MGA: variants seen among roughly 807,000 people sequenced by gnomAD.
MGA encodes the protein MAX gene-associated protein.
A neutral mutation model predicts 261.1 loss-of-function variants in MGA; 40 were observed. That is an observed-to-expected ratio of 0.15 (90% CI 0.12 to 0.20). The LOEUF (loss-of-function observed/expected upper bound fraction) is 0.20, where lower values mean the gene tolerates loss of function less well. Ranked by LOEUF, MGA falls within the 10% of genes least tolerant of loss-of-function variation. The pLI is 1.00. For missense variants in MGA, 3,397 were observed against 3,630.5 expected (o/e 0.94, Z 1.65); for synonymous variants, 1,302 against 1,290.6 (o/e 1.01, Z -0.19).
At chr15:41,723,196 A>G (rs1225413445) in intron 9 of MGA, among the ~76,000 whole-genome samples, 1 of 152,066 alleles carries the variant, frequency 6.6e-6, no homozygotes, top group Non-Finnish European at 1.5e-5. Flanking sequence ...AGTTTCAGGG[A>G]AAGAGTAGGA....
chr15:41,628,352 G>A (rs1345801572), intron 1 of MGA, among the ~76,000 whole-genome samples: 1 of 134,324 alleles, frequency 7.4e-6, no homozygotes, highest in East Asian at 2.2e-4. Flanking sequence ...GGGTGACAGA[G>A]CAAGACTCTG....
chr15:41,681,452 T>G (rs2058674640), intron 2 of MGA, among the ~76,000 whole-genome samples: 1 of 151,426 alleles, frequency 6.6e-6, no homozygotes, highest in Non-Finnish European at 1.5e-5. Context: ...TTTGGTCAAC[T>G]AATTTTTCTT....
At chr15:41,685,585 G>C (rs538782886) in intron 2 of MGA, among the ~76,000 whole-genome samples, 3 of 152,090 alleles carry the variant, frequency 2.0e-5, no homozygotes, top group Non-Finnish European at 4.4e-5. Context: ...ATATATCTCT[G>C]TTTATTTAGA....
At chr15:41,670,038 G>A in intron 2 of MGA, 80 bp downstream of exon 2, 1 of 1,139,074 alleles carries the variant, frequency 8.8e-7, no homozygotes, top group Non-Finnish European at 1.2e-6. Flanking sequence ...TCTTGGTTCT[G>A]TGGAATGCTA....
chr15:41,765,448 TG>T (rs2063750651), intron 23 of MGA, among the ~76,000 whole-genome samples: 1 of 152,228 alleles, frequency 6.6e-6, no homozygotes, highest in African/African-American at 2.4e-5. Flanking sequence ...AGCACTACTC[TG>T]TTTTGGGGCA....
chr15:41,736,071 C>A, intron 12 of MGA, 110 bp from the exon 13 acceptor site: 3 of 985,806 alleles, frequency 3.0e-6, no homozygotes, highest in Non-Finnish European at 2.9e-6. Flanking sequence ...TAAGTTACTA[C>A]TGTGAAAGAA....
At chr15:41,644,586 G>A (rs1462273333) in intron 1 of MGA, among the ~76,000 whole-genome samples, 1 of 152,024 alleles carries the variant, frequency 6.6e-6, no homozygotes, top group Non-Finnish European at 1.5e-5. Context: ...TGAAACCCGG[G>A]AGGAGGAGGT....
In MGA at chr15:41,713,454, G is replaced by A; in HGVS notation, c.3388G>A (p.Glu1130Lys). ...GGAAGAAGGAATCAGGGAGGAGGAGGAACAATTGAAAGAGAAAAAGAAGAG... is the reference window on the plus strand; with the variant it reads ...GGAAGAAGGAATCAGGGAGGAGGAGAAACAATTGAAAGAGAAAAAGAAGAG... The change falls in exon 9 of 24, where the codon GAA becomes AAA. Residue 1130 changes from glutamate (E) to lysine (K), a missense_variant. Glu to Lys is a moderately conservative substitution (Grantham distance 56). This residue lies in a region of MGA where 519 missense variants were observed against 554.1 expected (regional missense o/e 0.94). Coordinates refer to ENST00000219905, the MANE Select transcript of MGA (RefSeq NM_001164273.2). 6.4e-7 allele frequency: 1 copy of A among 1,556,246 alleles called. No homozygotes were observed. The highest frequency in any genetic ancestry group is 8.7e-7 in the Non-Finnish European group (1 of 1,149,540).
chr15:41,662,092 G>T (rs921684734), intron 1 of MGA, among the ~76,000 whole-genome samples: 1 of 152,118 alleles, frequency 6.6e-6, no homozygotes. Context: ...ACTTTCCTGC[G>T]TATCGGAACA....
intron 1 of MGA, among the ~76,000 whole-genome samples, chr15:41,662,091 C>T (rs975826353): frequency 3.3e-5 from 5 of 152,116 alleles, no homozygotes; most frequent in African/African-American, 9.7e-5. Context: ...TACTTTCCTG[C>T]GTATCGGAAC....
At chr15:41,716,464 A>T (rs1156975419) in intron 9 of MGA, among the ~76,000 whole-genome samples, 1 of 152,150 alleles carries the variant, frequency 6.6e-6, no homozygotes, top group Admixed American at 6.5e-5. Flanking sequence ...AAAAAAAAGA[A>T]AAAGAAAAAG....
At chr15:41,706,128 T>C (rs894411081) in intron 5 of MGA, among the ~76,000 whole-genome samples, 1 of 151,784 alleles carries the variant, frequency 6.6e-6, no homozygotes, top group African/African-American at 2.4e-5. Flanking sequence ...TCCCAGCTAC[T>C]TGGGAGGCTG....
In MGA at chr15:41,767,227, G is replaced by T; in HGVS notation, c.9145G>T (p.Val3049Phe). ...CAAGGTGATGCCTACATTGGCACCT[G>T]TTGTGGCTAAATTGGGCAACTCGGG... The change falls in exon 24 of 24, where the codon GTT becomes TTT. Residue 3049 changes from valine to phenylalanine, a missense_variant. Transcript: ENST00000219905. 1 of 1,613,900 alleles carries T rather than the reference G, an allele frequency of 6.2e-7. No individual in the cohort carries two copies. The highest frequency in any genetic ancestry group is 8.5e-7 in the Non-Finnish European group (1 of 1,179,824).
intron 3 of MGA, 62 bp downstream of exon 3, chr15:41,697,085 C>A: frequency 7.8e-7 from 1 of 1,282,306 alleles, no homozygotes; most frequent in Non-Finnish European, 1.0e-6. Flanking sequence ...TGTATACTGG[C>A]TTGTAAGTAA....
intron 1 of MGA, among the ~76,000 whole-genome samples, chr15:41,652,303 C>T (rs571886597): frequency 6.1e-5 from 9 of 146,632 alleles, no homozygotes; most frequent in African/African-American, 2.3e-4. Flanking sequence ...CCTCCCCTCC[C>T]CTCTGCCCTC....
rs758096116 is a variant in MGA, at chr15:41,696,143, ATGT to A, written c.1138_1140del (p.Val380del). On this transcript the variant is annotated inframe_deletion, in exon 3 of 24. Transcript: ENST00000219905. ...CCGTTAGACCAGAACGGAAGCTTCA[ATGT>A]TGTTATTAAAGAGGAACCTCTAGAT... The A allele has an allele frequency of 1.9e-5, 31 of 1,613,814 alleles. No homozygotes were observed. Among genetic ancestry groups the A allele is most frequent in the Non-Finnish European group, 2.5e-5 (30 of 1,179,892 alleles).
chr15:41,764,912 C>T lies in MGA; in HGVS notation c.7771C>T (p.His2591Tyr), dbSNP rs778819845. 1 of 1,614,030 alleles carries T rather than the reference C, an allele frequency of 6.2e-7. No individual in the cohort carries two copies. Among genetic ancestry groups the T allele is most frequent in the South Asian group, 1.1e-5 (1 of 91,092 alleles). ...AAATACCTCACCCTTGAACACTCCACACACCTCTGCCAACCTTGTGATGAC... is the reference window on the plus strand; with the variant it reads ...AAATACCTCACCCTTGAACACTCCATACACCTCTGCCAACCTTGTGATGAC... Residue 2591 changes from histidine to tyrosine, a missense_variant, in exon 23 of 24, where the codon CAC (histidine) becomes TAC (tyrosine). Coordinates refer to ENST00000219905, the MANE Select transcript of MGA (RefSeq NM_001164273.2).
At chr15:41,728,622 A>C (rs975069112) in intron 10 of MGA, among the ~76,000 whole-genome samples, 9 of 152,208 alleles carry the variant, frequency 5.9e-5, no homozygotes, top group African/African-American at 2.2e-4. Context: ...AGGTCTTCAT[A>C]CTATCTTCAC....
chr15:41,623,428 A>T (rs1395644954), intron 1 of MGA, among the ~76,000 whole-genome samples: 1 of 152,198 alleles, frequency 6.6e-6, no homozygotes, highest in East Asian at 1.9e-4. Context: ...GTTTGGAGAA[A>T]AAATGGGATT....
Sources: allele counts gnomAD v4.1 joint callset (sites outside exome capture counted in the v4.1 genomes callset), GRCh38; gene constraint gnomAD v4.1.1; regional missense constraint gnomAD v4.1.1; transcripts MANE v1.5; gene names NCBI Gene and HGNC (gene_info 2026-07-23, HGNC 2026-07-21).